GLIS3: variants seen among roughly 807,000 people sequenced by gnomAD.
GLIS3 encodes zinc finger protein GLIS3.
In GLIS3, 53 loss-of-function variants were observed where a neutral mutation model predicts 78.6. The observed-to-expected ratio is 0.67, with a 90% CI of 0.54 to 0.85. The LOEUF (loss-of-function observed/expected upper bound fraction) is 0.85. Ranked by LOEUF, GLIS3 falls within the 40% of genes least tolerant of loss-of-function variation. The pLI is 0.00. For synonymous variants in GLIS3, 684 were observed against 509.9 expected (o/e 1.34, Z -4.60); for missense variants, 1,703 against 1,231.1 (o/e 1.38, Z -5.74).
rs147822679 is a variant in GLIS3, at chr9:4,168,064, G to T, written c.389-42123C>A. 2.0e-5 allele frequency among the ~76,000 whole-genome samples: 3 copies of T among 152,254 alleles called. No homozygotes were observed. The East Asian group carries it at 5.8e-4, about 29-fold the overall frequency. On this transcript the variant is annotated intron_variant, in intron 2 of 10. Transcript: ENST00000381971. ...AAGTGGAGATAAAATACCTGGCCCG[G>T]TTAAATGCAATCATTTCCTTACCTC...
At chr9:4,098,388 T>C (rs895802317) in intron 4 of GLIS3, among the ~76,000 whole-genome samples, 1 of 152,154 alleles carries the variant, frequency 6.6e-6, no homozygotes, top group African/African-American at 2.4e-5. Flanking sequence ...ATGAATGATA[T>C]AGAAGGGACA....
At chr9:4,169,569 T>C (rs1816188960) in intron 2 of GLIS3, among the ~76,000 whole-genome samples, 1 of 152,232 alleles carries the variant, frequency 6.6e-6, no homozygotes, top group South Asian at 2.1e-4. Flanking sequence ...AAGGTCTGTA[T>C]ATTAGGTAAC....
chr9:4,406,510 G>A, the GLIS3 span, among the ~76,000 whole-genome samples: 21 of 152,176 alleles, frequency 1.4e-4, no homozygotes, highest in African/African-American at 5.1e-4. Flanking sequence ...AGTAGAGAAG[G>A]GGTTTCTCAA....
At chr9:4,482,343 C>T in the GLIS3 span, among the ~76,000 whole-genome samples, 5 of 152,124 alleles carry the variant, frequency 3.3e-5, no homozygotes, top group Non-Finnish European at 7.3e-5. Flanking sequence ...GGAGAATTGT[C>T]GTGAAAGTTT....
the GLIS3 span, among the ~76,000 whole-genome samples, chr9:4,373,721 T>C: frequency 4.6e-5 from 7 of 151,526 alleles, no homozygotes; most frequent in African/African-American, 1.7e-4. Flanking sequence ...CAGGCTGTAG[T>C]GCAATGGCAC....
At chr9:4,244,144 C>T (rs373036643) in intron 2 of GLIS3, among the ~76,000 whole-genome samples, 4 of 152,180 alleles carry the variant, frequency 2.6e-5, no homozygotes, top group South Asian at 2.1e-4. Flanking sequence ...TCAGCTCATC[C>T]GTACTCTGTA....
intron 2 of GLIS3, among the ~76,000 whole-genome samples, chr9:4,196,034 G>C (rs1818809744): frequency 6.6e-6 from 1 of 152,024 alleles, no homozygotes; most frequent in Admixed American, 6.6e-5. Flanking sequence ...TGGGGACTTG[G>C]AGAACTTTTA....
intron 6 of GLIS3, among the ~76,000 whole-genome samples, chr9:3,902,286 T>C (rs544440158): frequency 4.2e-4 from 64 of 152,252 alleles, no homozygotes; most frequent in African/African-American, 1.5e-3. Context: ...GCAGTCATGA[T>C]ATGGAAGTGT....
chr9:3,994,452 G>A (rs968714506), intron 4 of GLIS3, among the ~76,000 whole-genome samples: 2 of 152,176 alleles, frequency 1.3e-5, no homozygotes, highest in African/African-American at 4.8e-5. Flanking sequence ...GCAAGCGTAT[G>A]TCTTCTTTAA....
chr9:4,125,933 C>T lies in GLIS3; in HGVS notation c.397G>A (p.Gly133Ser), dbSNP rs1832542478. Residue 133 changes from glycine (G) to serine (S), a missense_variant, in exon 3 of 11, where the codon GGC becomes AGC. Physicochemically the swap from Gly to Ser is moderately conservative, Grantham distance 56. Coordinates refer to ENST00000381971, the MANE Select transcript of GLIS3 (RefSeq NM_001042413.2). ...FPPNPGKGALGFGPQCKSIGK... is the reference protein window; with the variant it reads ...FPPNPGKGALSFGPQCKSIGK... ...ATGGACTTGCACTGAGGCCCAAAGC[C>T]AAGAGCCCCTAAAAACAAATGAATC... 3.1e-6 allele frequency: 5 copies of T among 1,613,640 alleles called. No individual in the cohort carries two copies. The East Asian group carries it at 6.7e-5, about 22-fold the overall frequency.
chr9:3,901,677 C>T (rs796425679), intron 6 of GLIS3, among the ~76,000 whole-genome samples: 3 of 152,264 alleles, frequency 2.0e-5, no homozygotes, highest in African/African-American at 7.2e-5. Flanking sequence ...GGCACAGTGA[C>T]CCTAAATACA....
At chr9:4,451,953 A>T in the GLIS3 span, among the ~76,000 whole-genome samples, 2 of 151,856 alleles carry the variant, frequency 1.3e-5, no homozygotes, top group Admixed American at 6.6e-5. Context: ...ATCCAGCAGC[A>T]CATCAAAAAG....
chr9:4,330,513 C>A (rs902486854), intron 2 of GLIS3, among the ~76,000 whole-genome samples: 3 of 152,100 alleles, frequency 2.0e-5, no homozygotes, highest in Admixed American at 2.0e-4. Context: ...ATTAAACAAC[C>A]TCCACTTAGG....
chr9:4,480,673 G>A, the GLIS3 span, among the ~76,000 whole-genome samples: 2 of 151,808 alleles, frequency 1.3e-5, no homozygotes, highest in African/African-American at 2.4e-5. Context: ...TTGGCCTACC[G>A]GGGCAAAAAG....
At chr9:4,321,118 C>T (rs1455643562) in intron 2 of GLIS3, among the ~76,000 whole-genome samples, 1 of 113,744 alleles carries the variant, frequency 8.8e-6, no homozygotes, top group Non-Finnish European at 1.6e-5. Context: ...AGCATGGTCT[C>T]CGCTTTTTTT....
chr9:4,197,131 T>C (rs926852063), intron 2 of GLIS3, among the ~76,000 whole-genome samples: 12 of 152,120 alleles, frequency 7.9e-5, no homozygotes, highest in African/African-American at 2.4e-4. Context: ...TGTGCATAGA[T>C]TGTGGTGCAG....
At chr9:4,303,958 C>A (rs1277317313), upstream of GLIS3, among the ~76,000 whole-genome samples, 2 of 152,208 alleles carry the variant, frequency 1.3e-5, no homozygotes. Context: ...ATCACAATGC[C>A]ATCTTATCTA....
At chr9:4,216,277 C>G (rs903099525) in intron 2 of GLIS3, among the ~76,000 whole-genome samples, 1 of 151,838 alleles carries the variant, frequency 6.6e-6, no homozygotes, top group Non-Finnish European at 1.5e-5. Context: ...TCGAGACCAT[C>G]CTGGCTAACA....
the GLIS3 span, among the ~76,000 whole-genome samples, chr9:4,437,148 C>T: frequency 1.3e-5 from 2 of 152,008 alleles, no homozygotes; most frequent in East Asian, 3.9e-4. Context: ...TCACCTGAAT[C>T]GTTACTATGA....
Sources: allele counts gnomAD v4.1 joint callset (sites outside exome capture counted in the v4.1 genomes callset), GRCh38; gene constraint gnomAD v4.1.1; transcripts MANE v1.5; gene names NCBI Gene and HGNC (gene_info 2026-07-23, HGNC 2026-07-21).